PACSIN2: variants seen among roughly 807,000 people sequenced by gnomAD.
The protein encoded by PACSIN2 is protein kinase C and casein kinase substrate in neurons protein 2.
Under a neutral mutation model 63.8 loss-of-function variants are expected in PACSIN2, and 25 were observed. The ratio of observed to expected loss-of-function variants is 0.39; its 90% CI spans 0.29 to 0.55. The LOEUF (loss-of-function observed/expected upper bound fraction) is 0.55, where lower values mean the gene tolerates loss of function less well. Ranked by LOEUF, PACSIN2 falls within the 20% of genes least tolerant of loss-of-function variation. The pLI, the probability that PACSIN2 is intolerant of heterozygous loss-of-function variation, is 0.62. For synonymous variants in PACSIN2, 255 were observed against 256.2 expected, an observed-to-expected ratio of 1.00 and a Z score of 0.05; for missense variants, 518 against 646.9, an observed-to-expected ratio of 0.80 and a Z score of 2.16.
chr22:42,940,430 G>T (rs951968118), intron 1 of PACSIN2, among the ~76,000 whole-genome samples: 1 of 152,168 alleles, frequency 6.6e-6, no homozygotes, highest in African/African-American at 2.4e-5. Flanking sequence ...CAGGAATACG[G>T]ATTACACCAG....
chr22:43,004,927 C>T (rs1923995777), intron 1 of PACSIN2, among the ~76,000 whole-genome samples: 1 of 152,184 alleles, frequency 6.6e-6, no homozygotes, highest in African/African-American at 2.4e-5. Context: ...AAAAGGGAAA[C>T]AAATCAACAA....
At chr22:42,949,481 C>T (rs1025603646) in intron 1 of PACSIN2, among the ~76,000 whole-genome samples, 3 of 152,174 alleles carry the variant, frequency 2.0e-5, no homozygotes, top group African/African-American at 7.2e-5. Context: ...CACACACACA[C>T]ATTTTGTGAT....
intron 2 of PACSIN2, among the ~76,000 whole-genome samples, chr22:42,908,705 G>C (rs1292934246): frequency 6.6e-6 from 1 of 152,172 alleles, no homozygotes; most frequent in Non-Finnish European, 1.5e-5. Flanking sequence ...TCCAAAACTG[G>C]CCCTTAGCTC....
intron 1 of PACSIN2, among the ~76,000 whole-genome samples, chr22:42,987,625 G>A (rs1018048006): frequency 1.5e-5 from 2 of 137,292 alleles, no homozygotes; most frequent in Non-Finnish European, 3.0e-5. Context: ...TCCGCCTCCC[G>A]GGTTCAAGCG....
intron 1 of PACSIN2, among the ~76,000 whole-genome samples, chr22:42,922,353 A>G (rs556210963): frequency 6.6e-6 from 1 of 152,354 alleles, no homozygotes; most frequent in African/African-American, 2.4e-5. Context: ...ACAACCAGAC[A>G]AAAGAACAGG....
chr22:42,954,025 C>T (rs188514853), intron 1 of PACSIN2, among the ~76,000 whole-genome samples: 5 of 152,318 alleles, frequency 3.3e-5, no homozygotes, highest in Non-Finnish European at 5.9e-5. Flanking sequence ...CTTTGGGAGG[C>T]TGAGGCAGGC....
At position 42,950,771 on chromosome 22, in the gene PACSIN2, C is replaced by T. The variant is rs1226443416; in HGVS notation, c.-77-38614G>A. On this transcript the variant is annotated intron_variant, in intron 1 of 10. Coordinates refer to ENST00000263246, the MANE Select transcript of PACSIN2 (RefSeq NM_001184970.3). ...CTATGTACCAAAAATGTGAATTCTT[C>T]CATTCAATGAAATGTAATGCAGCCT... 2.0e-5 allele frequency among the ~76,000 whole-genome samples: 3 copies of T among 152,308 alleles called. No homozygotes were observed. In the East Asian group the frequency reaches 5.8e-4, roughly 29 times the overall value.
At chr22:43,013,217 C>T (rs1480972494) in intron 1 of PACSIN2, among the ~76,000 whole-genome samples, 3 of 152,212 alleles carry the variant, frequency 2.0e-5, no homozygotes, top group Non-Finnish European at 4.4e-5. Flanking sequence ...TATTCTTCTC[C>T]CAAAAAGTGG....
intron 1 of PACSIN2, among the ~76,000 whole-genome samples, chr22:42,971,444 C>G (rs1386496347): frequency 2.6e-5 from 4 of 152,226 alleles, no homozygotes; most frequent in African/African-American, 9.6e-5. Flanking sequence ...ACAACCCCCA[C>G]CTCCCAGCCG....
chr22:42,891,461 C>T (rs1470168075), intron 3 of PACSIN2, among the ~76,000 whole-genome samples: 2 of 152,096 alleles, frequency 1.3e-5, no homozygotes, highest in East Asian at 1.9e-4. Flanking sequence ...AGTGCAGAGA[C>T]GTGATCTTGG....
At chr22:43,001,274 A>G (rs1923749370) in intron 1 of PACSIN2, among the ~76,000 whole-genome samples, 1 of 152,178 alleles carries the variant, frequency 6.6e-6, no homozygotes, top group African/African-American at 2.4e-5. Context: ...CTTAGCTGAA[A>G]AGCTCTAAGG....
chr22:42,877,472 C>T (rs1375176242), intron 8 of PACSIN2, among the ~76,000 whole-genome samples: 1 of 152,182 alleles, frequency 6.6e-6, no homozygotes, highest in African/African-American at 2.4e-5. Flanking sequence ...CTTCAGCCCA[C>T]ACGGCCTCCT....
intron 1 of PACSIN2, among the ~76,000 whole-genome samples, chr22:42,936,405 A>G (rs776325332): frequency 1.3e-5 from 2 of 152,178 alleles, no homozygotes; most frequent in Non-Finnish European, 2.9e-5. Flanking sequence ...ATGACCCCGG[A>G]CTTAGCACAA....
intron 1 of PACSIN2, among the ~76,000 whole-genome samples, chr22:43,003,357 A>G (rs1013591107): frequency 6.6e-6 from 1 of 152,218 alleles, no homozygotes; most frequent in Non-Finnish European, 1.5e-5. Flanking sequence ...CTGTAATCCC[A>G]GCACTTCGGG....
chr22:42,966,457 A>AT (rs1920957863), intron 1 of PACSIN2, among the ~76,000 whole-genome samples: 1 of 152,242 alleles, frequency 6.6e-6, no homozygotes, highest in African/African-American at 2.4e-5. Flanking sequence ...CTATCAAAGA[A>AT]GAAGGTCCCA....
intron 1 of PACSIN2, among the ~76,000 whole-genome samples, chr22:42,963,039 A>G (rs1215457890): frequency 1.3e-5 from 2 of 152,180 alleles, no homozygotes; most frequent in African/African-American, 2.4e-5. Flanking sequence ...CGCTCAGGGA[A>G]GCTCACCTGC....
intron 2 of PACSIN2, among the ~76,000 whole-genome samples, chr22:42,906,565 A>G (rs1433315521): frequency 6.6e-6 from 1 of 152,174 alleles, no homozygotes; most frequent in South Asian, 2.1e-4. Flanking sequence ...GGAAATGTCC[A>G]CTATAGCTCA....
At chr22:42,977,486 G>C (rs1405989428) in intron 1 of PACSIN2, among the ~76,000 whole-genome samples, 1 of 152,168 alleles carries the variant, frequency 6.6e-6, no homozygotes, top group African/African-American at 2.4e-5. Flanking sequence ...AAACAGAATG[G>C]TGAAAAACAG....
At chr22:42,910,356 G>C (rs1931365909) in intron 2 of PACSIN2, among the ~76,000 whole-genome samples, 1 of 152,174 alleles carries the variant, frequency 6.6e-6, no homozygotes, top group African/African-American at 2.4e-5. Flanking sequence ...TGAGAACAAG[G>C]GCCTGCACTT....
Sources: allele counts gnomAD v4.1 joint callset (sites outside exome capture counted in the v4.1 genomes callset), GRCh38; gene constraint gnomAD v4.1.1; transcripts MANE v1.5; gene names NCBI Gene and HGNC (gene_info 2026-07-23, HGNC 2026-07-21).